The following RPS6KA2 variants were observed in gnomAD, a reference collection of about 807,000 sequenced individuals.
RPS6KA2 encodes ribosomal protein S6 kinase alpha-2.
In RPS6KA2, 42 loss-of-function variants were observed where a neutral mutation model predicts 91.8. The ratio of observed to expected loss-of-function variants is 0.46; its 90% CI spans 0.36 to 0.59. The LOEUF (loss-of-function observed/expected upper bound fraction) is 0.59. Among genes scored for constraint, RPS6KA2 ranks in the 20% least tolerant of loss-of-function variants. The pLI is 0.00. For synonymous variants in RPS6KA2, 414 were observed against 393.6 expected (o/e 1.05, Z -0.61); for missense variants, 798 against 978.5 (o/e 0.82, Z 2.46).
chr6:166,846,192 A>G (rs1192725520), intron 2 of RPS6KA2, among the ~76,000 whole-genome samples: 2 of 150,898 alleles, frequency 1.3e-5, no homozygotes, highest in Non-Finnish European at 3.0e-5. Context: ...ACCAATAACA[A>G]GCAGCAAGAT....
rs192575133 is a variant in RPS6KA2 at position 166,603,876 on chromosome 6, C to T, written c.99+23045G>A. ...CCTCAGCACCCACCAAACGGGCAAT[C>T]GAGGTTGTTTTAGGCAGAAACTGGA... On this transcript the variant is annotated intron_variant, in intron 1 of 20. Coordinates refer to ENST00000265678, the MANE Select transcript of RPS6KA2 (RefSeq NM_021135.6). The surrounding 1 kb of genome is among the most constrained non-coding windows in gnomAD (Gnocchi z 4.3). Among the ~76,000 whole-genome samples, 37 of 152,230 alleles carry T rather than the reference C, an allele frequency of 2.4e-4. No individual in the cohort carries two copies. Among genetic ancestry groups the T allele is most frequent in the African/African-American group, 6.7e-4 (28 of 41,514 alleles).
chr6:166,700,058 A>C (rs1789465062), intron 2 of RPS6KA2, among the ~76,000 whole-genome samples: 1 of 152,244 alleles, frequency 6.6e-6, no homozygotes, highest in Non-Finnish European at 1.5e-5. Flanking sequence ...AATCAGTTGA[A>C]AGTCCTGCAT....
intron 2 of RPS6KA2, among the ~76,000 whole-genome samples, chr6:166,796,318 C>T (rs551535199): frequency 5.9e-5 from 9 of 152,278 alleles, no homozygotes; most frequent in Non-Finnish European, 8.8e-5. Context: ...CGGCTGGGTG[C>T]GATGGCTCAC....
chr6:166,648,227 C>T lies in RPS6KA2; in HGVS notation c.124-109443G>A, dbSNP rs879905037. Among the ~76,000 whole-genome samples the T allele has an allele frequency of 1.5e-4, 22 of 150,058 alleles. No individual in the cohort carries two copies. Among genetic ancestry groups the T allele is most frequent in the African/African-American group, 3.4e-4 (14 of 40,868 alleles). On this transcript the variant is annotated intron_variant, in intron 2 of 21. Coordinates refer to the RPS6KA2 transcript ENST00000503859. The surrounding 1 kb of genome is among the most constrained non-coding windows in gnomAD (Gnocchi z 4.8). Reference sequence around the variant, plus strand: ...ACACTCATGCACACACACGCACATGCGCACACACACACATTCACACAGGCA... The same window carrying T: ...ACACTCATGCACACACACGCACATGTGCACACACACACATTCACACAGGCA...
At chr6:166,585,606 A>G (rs1036854896) in intron 1 of RPS6KA2, among the ~76,000 whole-genome samples, 1 of 106,812 alleles carries the variant, frequency 9.4e-6, no homozygotes, top group African/African-American at 5.6e-5. Context: ...GGAATCACAA[A>G]GTACCATAGT....
intron 10 of RPS6KA2, among the ~76,000 whole-genome samples, chr6:166,479,857 G>C (rs965748493): frequency 5.3e-5 from 8 of 152,118 alleles, no homozygotes; most frequent in African/African-American, 7.2e-5. Context: ...GGATAATTCT[G>C]AACGTTCTGT....
At chr6:166,769,148 C>T (rs1308974944) in intron 2 of RPS6KA2, among the ~76,000 whole-genome samples, 4 of 152,282 alleles carry the variant, frequency 2.6e-5, no homozygotes, top group African/African-American at 9.6e-5. Flanking sequence ...GTGCCATTGG[C>T]CCAATGTTCA....
intron 2 of RPS6KA2, among the ~76,000 whole-genome samples, chr6:166,731,123 T>A (rs528974152): frequency 6.6e-6 from 1 of 152,148 alleles, no homozygotes; most frequent in Admixed American, 6.5e-5. Context: ...ATGCCTGTAA[T>A]CCCAGCTACT....
intron 1 of RPS6KA2, among the ~76,000 whole-genome samples, chr6:166,574,168 A>G (rs1784773876): frequency 6.6e-6 from 1 of 152,194 alleles, no homozygotes. Flanking sequence ...AATTCTTTAA[A>G]AAAACATTCT....
chr6:166,751,510 C>A (rs1791283608), intron 2 of RPS6KA2, among the ~76,000 whole-genome samples: 1 of 152,252 alleles, frequency 6.6e-6, no homozygotes, highest in Non-Finnish European at 1.5e-5. Flanking sequence ...GCAGGCCGGC[C>A]AGCCCAAGGC....
At chr6:166,760,439 T>C (rs919097631) in intron 2 of RPS6KA2, among the ~76,000 whole-genome samples, 6 of 152,234 alleles carry the variant, frequency 3.9e-5, no homozygotes, top group African/African-American at 1.4e-4. Context: ...CAAAGCGATC[T>C]ACTGAATGTC....
At chr6:166,567,772 C>G (rs1188776337) in intron 1 of RPS6KA2, among the ~76,000 whole-genome samples, 1 of 152,216 alleles carries the variant, frequency 6.6e-6, no homozygotes, top group Non-Finnish European at 1.5e-5. Context: ...AACCCATGCC[C>G]TTCCCATGGA....
At chr6:166,739,403 C>G (rs1790750292) in intron 2 of RPS6KA2, among the ~76,000 whole-genome samples, 1 of 152,212 alleles carries the variant, frequency 6.6e-6, no homozygotes, top group South Asian at 2.1e-4. Flanking sequence ...TAAGTGAAAG[C>G]ACAACCCTAG....
At chr6:166,584,046 C>T (rs73788054) in intron 1 of RPS6KA2, among the ~76,000 whole-genome samples, 1 of 152,186 alleles carries the variant, frequency 6.6e-6, no homozygotes, top group Admixed American at 6.5e-5. Flanking sequence ...ATTTAAAATG[C>T]CTTGGTGTGT....
At chr6:166,507,804 A>T (rs1330442117) in intron 5 of RPS6KA2, among the ~76,000 whole-genome samples, 1 of 147,430 alleles carries the variant, frequency 6.8e-6, no homozygotes, top group African/African-American at 2.5e-5. Context: ...CACTTATCAC[A>T]TGACACATGC....
intron 2 of RPS6KA2, among the ~76,000 whole-genome samples, chr6:166,718,833 C>T (rs1196409216): frequency 1.3e-5 from 2 of 152,192 alleles, no homozygotes; most frequent in African/African-American, 4.8e-5. Flanking sequence ...TCTAAACACA[C>T]CGAACAGCTC....
At chr6:166,857,514 C>T (rs776917633) in intron 2 of RPS6KA2, among the ~76,000 whole-genome samples, 5 of 152,224 alleles carry the variant, frequency 3.3e-5, no homozygotes, top group Admixed American at 1.3e-4. Context: ...CCTGAGAACA[C>T]CAGTGTTGCC....
At chr6:166,514,693 C>T (rs541398766) in intron 3 of RPS6KA2, among the ~76,000 whole-genome samples, 4 of 152,314 alleles carry the variant, frequency 2.6e-5, no homozygotes, top group African/African-American at 7.2e-5. Context: ...GCAATAGCAA[C>T]ATGGCTGGAA....
intron 1 of RPS6KA2, among the ~76,000 whole-genome samples, chr6:166,600,816 A>C (rs1360607447): frequency 6.6e-6 from 1 of 152,254 alleles, no homozygotes; most frequent in African/African-American, 2.4e-5. Flanking sequence ...GGAAAATGGA[A>C]TATGCATGCA....
Sources: gnomAD v4.1 joint callset for allele counts (sites outside exome capture counted in the v4.1 genomes callset) on GRCh38, gnomAD v4.1.1 for gene constraint, Gnocchi (gnomAD v3.1) non-coding constraint, MANE v1.5 for transcripts, NCBI Gene and HGNC (gene_info 2026-07-23, HGNC 2026-07-21) for gene names.